Variants in PRKAR2B observed in about 807,000 individuals in gnomAD.
The protein encoded by PRKAR2B is protein kinase cAMP-dependent type II regulatory subunit beta, also known as cAMP-dependent protein kinase type II-beta regulatory subunit.
In PRKAR2B, 14 loss-of-function variants were observed where a neutral mutation model predicts 49.9. The observed-to-expected ratio is 0.28, with a 90% CI of 0.19 to 0.44. PRKAR2B has a LOEUF of 0.44. Ranked by LOEUF, PRKAR2B falls within the 20% of genes least tolerant of loss-of-function variation. The probability of loss-of-function intolerance (pLI) is 1.00; values close to 1 mark genes in which losing one functional copy is unlikely to be tolerated. For missense variants in PRKAR2B, 393 were observed against 537.9 expected, an observed-to-expected ratio of 0.73 and a Z score of 2.67; for synonymous variants, 196 against 197.7, an observed-to-expected ratio of 0.99 and a Z score of 0.07.
Position 107,159,567 on chromosome 7 carries a change from T to C in PRKAR2B, c.1242T>C (p.Val414=). The change falls in exon 11 of 11, where the codon GTT becomes GTC. Residue 414 remains valine, a synonymous_variant. Transcript: ENST00000265717. ...TGTTTGGAACGAACATGGATATTGTTGAACCCACTGCATGAAGCAAAAGTA... is the reference window on the plus strand; with the variant it reads ...TGTTTGGAACGAACATGGATATTGTCGAACCCACTGCATGAAGCAAAAGTA... The part of the protein sequence containing the change: ...VALFGTNMDI[V]EPTA The C allele has an allele frequency of 6.2e-7, 1 of 1,614,108 alleles. No homozygotes were observed. Among genetic ancestry groups the C allele is most frequent in the East Asian group, 2.2e-5 (1 of 44,872 alleles).
chr7:107,099,338 G>C (rs1169983499), intron 2 of PRKAR2B, among the ~76,000 whole-genome samples: 3 of 152,300 alleles, frequency 2.0e-5, no homozygotes, highest in Non-Finnish European at 2.9e-5. Flanking sequence ...ATAATCTCCT[G>C]GTGTGCCGTT....
At chr7:107,116,858 T>TATATATACATATATATATATACACAC (rs1795282123) in intron 2 of PRKAR2B, among the ~76,000 whole-genome samples, 2 of 149,880 alleles carry the variant, frequency 1.3e-5, no homozygotes, top group Non-Finnish European at 3.0e-5. Flanking sequence ...TACTTAGCTA[T>TATATATACATATATATATATACACAC]ATATATACAT....
chr7:107,084,422 A>G (rs1794576060), intron 2 of PRKAR2B, among the ~76,000 whole-genome samples: 1 of 152,078 alleles, frequency 6.6e-6, no homozygotes, highest in Non-Finnish European at 1.5e-5. Flanking sequence ...GTTGCCAACC[A>G]TATTAGTGGA....
At chr7:107,107,205 T>C (rs1291872895) in intron 2 of PRKAR2B, among the ~76,000 whole-genome samples, 1 of 151,932 alleles carries the variant, frequency 6.6e-6, no homozygotes, top group Non-Finnish European at 1.5e-5. Flanking sequence ...GGCATGGTGG[T>C]GGGCACCTGT....
intron 10 of PRKAR2B, 95 bp downstream of exon 10, chr7:107,157,419 G>A (rs1796113552): frequency 2.1e-6 from 3 of 1,405,794 alleles, no homozygotes; most frequent in Non-Finnish European, 9.5e-7. Context: ...TGGGTTCACA[G>A]GTTTTGTGGT....
intron 1 of PRKAR2B, among the ~76,000 whole-genome samples, chr7:107,061,429 C>G (rs1052583589): frequency 6.6e-6 from 1 of 150,932 alleles, no homozygotes; most frequent in Non-Finnish European, 1.5e-5. Context: ...TTATAATTTT[C>G]TCCATAAGGA....
At position 107,044,825 on chromosome 7, in the gene PRKAR2B, C is replaced by T. The variant is rs1263396383; in HGVS notation, c.-83C>T. 8.5e-7 allele frequency: 1 copy of T among 1,169,722 alleles called. No homozygotes were observed. Among genetic ancestry groups the T allele is most frequent in the East Asian group, 3.3e-5 (1 of 30,754 alleles). The allele number at this position is 1,169,722 out of a possible 1,614,324, so 72.5% of individuals were successfully genotyped here. ...CGGTAGCGCGCCAGCGCCGTAGGCG[C>T]TCGCTCGGCAGCCGCGGGGCCCTAG... On this transcript the variant is annotated 5_prime_UTR_variant, in exon 1 of 11. Transcript: ENST00000265717.
chr7:107,066,975 C>T (rs962144077), intron 1 of PRKAR2B: 15 of 152,250 alleles, frequency 9.9e-5, no homozygotes, highest in African/African-American at 3.6e-4. Context: ...CATGGTTCAT[C>T]TACGCCATCA....
intron 6 of PRKAR2B, among the ~76,000 whole-genome samples, chr7:107,149,040 G>C (rs1425539611): frequency 1.3e-5 from 2 of 152,140 alleles, no homozygotes; most frequent in East Asian, 3.8e-4. Context: ...CCATACAATG[G>C]TGTTATACCT....
intron 1 of PRKAR2B, among the ~76,000 whole-genome samples, chr7:107,064,227 T>C (rs1794084838): frequency 6.6e-6 from 1 of 152,216 alleles, no homozygotes; most frequent in African/African-American, 2.4e-5. Context: ...AAAATCCTCA[T>C]GAATTAAGAA....
intron 3 of PRKAR2B, among the ~76,000 whole-genome samples, chr7:107,124,945 A>C (rs554512878): frequency 6.6e-6 from 1 of 152,124 alleles, no homozygotes; most frequent in African/African-American, 2.4e-5. Context: ...CAGTTCTGCT[A>C]TAGTAGCTTG....
chr7:107,095,297 G>A (rs1043374085), intron 2 of PRKAR2B, among the ~76,000 whole-genome samples: 2 of 151,998 alleles, frequency 1.3e-5, no homozygotes, highest in African/African-American at 4.8e-5. Flanking sequence ...TCATGATTTG[G>A]CTCTCTGTAT....
At chr7:107,082,293 A>G (rs1794529127) in intron 2 of PRKAR2B, among the ~76,000 whole-genome samples, 1 of 152,150 alleles carries the variant, frequency 6.6e-6, no homozygotes, top group East Asian at 1.9e-4. Flanking sequence ...TTTTATTTTC[A>G]TGTTACTTTA....
At chr7:107,094,015 G>T (rs965762362) in intron 2 of PRKAR2B, among the ~76,000 whole-genome samples, 6 of 152,246 alleles carry the variant, frequency 3.9e-5, no homozygotes, top group African/African-American at 1.4e-4. Context: ...ATAATCCTTT[G>T]GGTATATACC....
intron 4 of PRKAR2B, among the ~76,000 whole-genome samples, chr7:107,139,763 C>T (rs886945965): frequency 5.9e-5 from 9 of 152,180 alleles, no homozygotes; most frequent in South Asian, 2.1e-4. Flanking sequence ...CATTTTCATG[C>T]GGTCTCAAAA....
intron 1 of PRKAR2B, among the ~76,000 whole-genome samples, chr7:107,056,511 C>G (rs552628363): frequency 1.3e-4 from 20 of 152,148 alleles, no homozygotes; most frequent in Admixed American, 2.6e-4. Flanking sequence ...GTTTGTAGTT[C>G]TCCTTGAAGA....
intron 1 of PRKAR2B, among the ~76,000 whole-genome samples, chr7:107,050,507 A>G (rs1275092867): frequency 1.3e-5 from 2 of 152,106 alleles, no homozygotes; most frequent in Admixed American, 6.6e-5. Context: ...TTGAAAAACA[A>G]TTGTGTTTCT....
intron 3 of PRKAR2B, among the ~76,000 whole-genome samples, chr7:107,127,690 A>G (rs1795523844): frequency 6.6e-6 from 1 of 152,252 alleles, no homozygotes; most frequent in Non-Finnish European, 1.5e-5. Flanking sequence ...CCACATGTGT[A>G]AAAATATATT....
chr7:107,103,141 G>A (rs924576400), intron 2 of PRKAR2B, among the ~76,000 whole-genome samples: 5 of 151,858 alleles, frequency 3.3e-5, no homozygotes, highest in South Asian at 4.2e-4. Context: ...GTATCTAATC[G>A]CTTTTCAAAA....
Sources: allele counts gnomAD v4.1 joint callset (sites outside exome capture counted in the v4.1 genomes callset), GRCh38; gene constraint gnomAD v4.1.1; transcripts MANE v1.5; gene names NCBI Gene and HGNC (gene_info 2026-07-23, HGNC 2026-07-21).